The following AKAP9 variants were observed in gnomAD, a reference collection of about 807,000 sequenced individuals.
AKAP9 encodes A-kinase anchor protein 9.
In AKAP9, 311 loss-of-function variants were observed where a neutral mutation model predicts 488.5. The ratio of observed to expected loss-of-function variants is 0.64; its 90% CI spans 0.58 to 0.70. The LOEUF (loss-of-function observed/expected upper bound fraction) is 0.70, where lower values mean the gene tolerates loss of function less well. Ranked by LOEUF, AKAP9 falls within the 30% of genes least tolerant of loss-of-function variation. The pLI, the probability that AKAP9 is intolerant of heterozygous loss-of-function variation, is 0.00. For synonymous variants in AKAP9, 1,462 were observed against 1,483.5 expected, an observed-to-expected ratio of 0.99 and a Z score of 0.33; for missense variants, 4,215 against 4,374.5, an observed-to-expected ratio of 0.96 and a Z score of 1.03.
intron 4 of AKAP9, 106 bp from the exon 5 acceptor site, chr7:91,992,778 GT>G (rs1797932388): frequency 9.7e-7 from 1 of 1,031,020 alleles, no homozygotes; most frequent in Non-Finnish European, 1.5e-6. Context: ...CTTCCAGGTG[GT>G]GAGTGATGTT....
intron 46 of AKAP9, 94 bp downstream of exon 46, chr7:92,102,920 T>C: frequency 9.0e-7 from 1 of 1,107,794 alleles, no homozygotes; most frequent in Non-Finnish European, 1.3e-6. Context: ...GGTTATACTC[T>C]ATATTTATAT....
chr7:92,061,119 T>G (rs566994180), intron 22 of AKAP9, 141 bp from the exon 23 acceptor site: 2 of 965,724 alleles, frequency 2.1e-6, no homozygotes, highest in African/African-American at 3.2e-5. Context: ...AATCTTAGCA[T>G]ACACTGGCAA....
At chr7:92,101,438 A>C (rs1461936183) in intron 45 of AKAP9, among the ~76,000 whole-genome samples, 2 of 48,316 alleles carry the variant, frequency 4.1e-5, no homozygotes, top group African/African-American at 3.0e-4. Flanking sequence ...CTCCGTCTCA[A>C]AAAAAAAAAA....
intron 35 of AKAP9, 58 bp from the exon 36 acceptor site, chr7:92,085,437 A>G: frequency 6.7e-7 from 1 of 1,498,918 alleles, no homozygotes; most frequent in South Asian, 1.1e-5. Flanking sequence ...TTGTAAGTCT[A>G]ATTTTTCAGT....
chr7:91,992,238 A>C (rs1421118498), intron 4 of AKAP9, 27 bp downstream of exon 4: 1 of 1,514,230 alleles, frequency 6.6e-7, no homozygotes, highest in Non-Finnish European at 9.2e-7. Context: ...TACTTGTGAT[A>C]CTAATGTTGG....
In AKAP9 at chr7:92,097,281, A is replaced by C; in HGVS notation, c.10322A>C (p.Gln3441Pro). ...LEGQRLQGIM[Q>P]EFQKQELERE... ...GGACAGCGACTACAAGGAATCATGC[A>C]GGAATTCCAGAAGCAAGAACTAGAA... Residue 3441 changes from glutamine to proline, a missense_variant, in exon 41 of 50, where the codon CAG becomes CCG. Coordinates refer to ENST00000356239, the MANE Select transcript of AKAP9 (RefSeq NM_005751.5). 2 of 1,613,978 alleles carry C rather than the reference A, an allele frequency of 1.2e-6. No homozygotes were observed. The highest frequency in any genetic ancestry group is 1.7e-6 in the Non-Finnish European group (2 of 1,180,026).
In AKAP9 at chr7:92,102,732, C is replaced by T. The variant is rs774686765; in HGVS notation, c.11236C>T (p.Gln3746Ter). 6.2e-7 allele frequency: 1 copy of T among 1,614,206 alleles called. No individual in the cohort carries two copies. Among genetic ancestry groups the T allele is most frequent in the Admixed American group, 1.7e-5 (1 of 60,020 alleles). Residue 3746 changes from glutamine (Q) to a stop codon, truncating the protein, a stop_gained, in exon 46 of 50, where the codon CAG becomes TAG. Transcript: ENST00000356239. LOFTEE classifies it high-confidence loss of function. ...GGCCCTGCTTGCCCGGATGGGGGGG[C>T]AGCCAGCTTTCACGGATCTAGAGGT... ...TLALLARMGG[Q>*]PAFTDLEVIT...
chr7:92,102,734 G>A lies in AKAP9; in HGVS notation c.11238G>A (p.Gln3746=), dbSNP rs1398886775. 1 of 1,614,200 alleles carries A rather than the reference G, an allele frequency of 6.2e-7. No homozygotes were observed. Among genetic ancestry groups the A allele is most frequent in the South Asian group, 1.1e-5 (1 of 91,086 alleles). The part of the protein sequence containing the change: ...TLALLARMGG[Q]PAFTDLEVIT... ...CCCTGCTTGCCCGGATGGGGGGGCA[G>A]CCAGCTTTCACGGATCTAGAGGTGA... Residue 3746 remains glutamine, a synonymous_variant, in exon 46 of 50, where the codon CAG becomes CAA. Coordinates refer to ENST00000356239, the MANE Select transcript of AKAP9 (RefSeq NM_005751.5).
chr7:91,981,487 A>G (rs1796397814), intron 3 of AKAP9, among the ~76,000 whole-genome samples: 1 of 151,974 alleles, frequency 6.6e-6, no homozygotes. Context: ...GGCATCCGTG[A>G]TTTTAGTATC....
intron 8 of AKAP9, among the ~76,000 whole-genome samples, chr7:92,008,672 AGT>A (rs1800270674): frequency 7.0e-6 from 1 of 143,736 alleles, no homozygotes; most frequent in Admixed American, 6.9e-5. Context: ...TGGGTGACAA[AGT>A]GAGACTCTAT....
At chr7:92,108,245 A>G (rs1818850591) in intron 48 of AKAP9, among the ~76,000 whole-genome samples, 1 of 152,210 alleles carries the variant, frequency 6.6e-6, no homozygotes, top group African/African-American at 2.4e-5. Context: ...ACATTTATAC[A>G]TACCCAATTT....
At chr7:92,022,443 G>A in intron 13 of AKAP9, 91 bp downstream of exon 13, 3 of 895,822 alleles carry the variant, frequency 3.3e-6, no homozygotes, top group South Asian at 2.8e-5. Context: ...CTAACGTAGT[G>A]ACCTTTGGCA....
chr7:92,012,044 C>T (rs975814154), intron 8 of AKAP9, among the ~76,000 whole-genome samples: 4 of 152,068 alleles, frequency 2.6e-5, no homozygotes, highest in South Asian at 4.1e-4. Context: ...AAGGCTGCAG[C>T]GAGCCATGAT....
At chr7:92,060,263 G>A (rs771548859) in intron 22 of AKAP9, among the ~76,000 whole-genome samples, 1 of 152,016 alleles carries the variant, frequency 6.6e-6, no homozygotes, top group African/African-American at 2.4e-5. Context: ...AGCTTAAAAT[G>A]CACTAATATC....
chr7:92,040,861 A>G lies in AKAP9; in HGVS notation c.4880A>G (p.Gln1627Arg). Residue 1627 changes from glutamine (Q) to arginine (R), a missense_variant, in exon 18 of 50, where the codon CAA becomes CGA. Coordinates refer to ENST00000356239, the MANE Select transcript of AKAP9 (RefSeq NM_005751.5). ...CAGCGAGAAGACCAGGAACAGCTAC[A>G]AGAAGAGATTAAGAGACTTAATAGA... ...ERQREDQEQL[Q>R]EEIKRLNRQL... The G allele has an allele frequency of 1.9e-6, 3 of 1,613,944 alleles. No individual in the cohort carries two copies. Among genetic ancestry groups the G allele is most frequent in the Non-Finnish European group, 2.5e-6 (3 of 1,179,928 alleles).
At chr7:92,019,542 G>A (rs1208248580) in intron 12 of AKAP9, among the ~76,000 whole-genome samples, 1 of 151,884 alleles carries the variant, frequency 6.6e-6, no homozygotes, top group Non-Finnish European at 1.5e-5. Flanking sequence ...TCTGTGTACT[G>A]AGAATAAAGT....
At position 92,075,689 on chromosome 7, in the gene AKAP9, T is replaced by C. The variant is rs145509524; in HGVS notation, c.6613-1166T>C. On this transcript the variant is annotated intron_variant, in intron 28 of 49. Transcript: ENST00000356239. ...ATGGGGATACTCAGAACAGATCTTATAAAGTTGTAACAGGGTTTTAAGAAA... is the reference window on the plus strand; with the variant it reads ...ATGGGGATACTCAGAACAGATCTTACAAAGTTGTAACAGGGTTTTAAGAAA... Among the ~76,000 whole-genome samples the C allele has an allele frequency of 1.4e-4, 22 of 152,312 alleles. No individual in the cohort carries two copies. The East Asian group carries it at 4.0e-3, about 28-fold the overall frequency.
Position 92,001,464 on chromosome 7 carries a change from TAG to T in AKAP9, c.1548_1549del (p.Gly517ThrfsTer14). ...CAAAAGGAAAAACTCAAGGAAGAAC[TAG>T]GACTAATTTTAGAAGAAAAGTGTGC... On this transcript the variant is annotated frameshift_variant, in exon 8 of 50. Transcript: ENST00000356239. LOFTEE classifies it high-confidence loss of function. The T allele has an allele frequency of 6.2e-7, 1 of 1,613,846 alleles. No homozygotes were observed. The highest frequency in any genetic ancestry group is 8.5e-7 in the Non-Finnish European group (1 of 1,179,858).
intron 45 of AKAP9, among the ~76,000 whole-genome samples, chr7:92,102,178 T>TAAAG (rs1446532183): frequency 7.4e-6 from 1 of 135,696 alleles, no homozygotes. Flanking sequence ...AAAAAATAAA[T>TAAAG]AAATAAATAA....
Sources: allele counts gnomAD v4.1 joint callset (sites outside exome capture counted in the v4.1 genomes callset), GRCh38; gene constraint gnomAD v4.1.1; transcripts MANE v1.5; gene names NCBI Gene and HGNC (gene_info 2026-07-23, HGNC 2026-07-21).